Variants in TMA16 observed in about 807,000 individuals in gnomAD.
The protein encoded by TMA16 is translation machinery associated 16 homolog.
In TMA16, 26 loss-of-function variants were observed where a neutral mutation model predicts 27.1. That is an observed-to-expected ratio of 0.96 (90% CI 0.70 to 1.33). The LOEUF (loss-of-function observed/expected upper bound fraction) is 1.33, where lower values mean the gene tolerates loss of function less well. TMA16 is among the 40% of genes most tolerant of loss of function. The probability of loss-of-function intolerance (pLI) is 0.00; values close to 1 mark genes in which losing one functional copy is unlikely to be tolerated. For synonymous variants in TMA16, 71 were observed against 81.9 expected, an observed-to-expected ratio of 0.87 and a Z score of 0.72; for missense variants, 233 against 241.4, an observed-to-expected ratio of 0.97 and a Z score of 0.23.
chr4:163,494,805 G>A lies in TMA16; in HGVS notation c.3+1G>A. ...CCGTGGCCACGAGGACGTCACCATG[G>A]TGGGCCCCCTCCTGCTCCCCCGAAC... is the stretch of plus-strand genomic sequence containing the variant. On this transcript the variant is annotated splice_donor_variant, in intron 1 of 6. Coordinates refer to ENST00000358572, the MANE Select transcript of TMA16 (RefSeq NM_018352.3). LOFTEE classifies it high-confidence loss of function. The A allele has an allele frequency of 6.2e-7, 1 of 1,612,286 alleles. No individual in the cohort carries two copies. The highest frequency in any genetic ancestry group is 8.5e-7 in the Non-Finnish European group (1 of 1,180,030).
chr4:163,516,237 A>C (rs1275617311), intron 5 of TMA16: 1 of 152,246 alleles, frequency 6.6e-6, no homozygotes. Flanking sequence ...TCCCAGAATC[A>C]GGGGATGGGT....
At position 163,519,162 on chromosome 4, in the gene TMA16, G is replaced by A. The variant is rs117664935; in HGVS notation, c.432-172G>A. On this transcript the variant is annotated intron_variant, in intron 6 of 6. Transcript: ENST00000358572. ...AGAAGGAGATACTCAGGTTAGAGAG[G>A]ATGAAAGAATAGAACAGCTTTCTAG... 5.8e-4 allele frequency among the ~76,000 whole-genome samples: 89 copies of A among 152,190 alleles called. 2 individuals carry two copies. The East Asian group carries it at 0.014, about 23-fold the overall frequency.
At chr4:163,498,444 C>T (rs1014144411) in intron 1 of TMA16, among the ~76,000 whole-genome samples, 4 of 151,834 alleles carry the variant, frequency 2.6e-5, no homozygotes, top group African/African-American at 4.8e-5. Context: ...CCCGCCACCA[C>T]GCCCGGCTAA....
At chr4:163,502,452 G>C (rs1737661944) in intron 1 of TMA16, among the ~76,000 whole-genome samples, 1 of 152,202 alleles carries the variant, frequency 6.6e-6, no homozygotes, top group East Asian at 1.9e-4. Context: ...GGACATATTT[G>C]CAGTCTCAAA....
chr4:163,503,054 C>G (rs571187604), intron 1 of TMA16, among the ~76,000 whole-genome samples: 1 of 152,244 alleles, frequency 6.6e-6, no homozygotes, highest in South Asian at 2.1e-4. Flanking sequence ...CTACAGTATT[C>G]AGTACAGTAA....
At chr4:163,503,899 G>T (rs1001922883) in intron 1 of TMA16, among the ~76,000 whole-genome samples, 2 of 152,046 alleles carry the variant, frequency 1.3e-5, no homozygotes, top group Admixed American at 1.3e-4. Context: ...CTGCCTTGAG[G>T]CAACCTTTTC....
chr4:163,503,333 G>A lies in TMA16; in HGVS notation c.4-3700G>A, dbSNP rs192341834. On this transcript the variant is annotated intron_variant, in intron 1 of 6. Coordinates refer to ENST00000358572, the MANE Select transcript of TMA16 (RefSeq NM_018352.3). ...TGGTCTTAAACTTTAAAAAAAAAAT[G>A]TATTTACGTACACTTTGTGGACCTC... Among the ~76,000 whole-genome samples, 33 of 152,074 alleles carry A rather than the reference G, an allele frequency of 2.2e-4. 1 individual carries two copies. The East Asian group carries it at 6.4e-3, about 29-fold the overall frequency.
At chr4:163,507,806 A>G (rs1331667169) in intron 2 of TMA16, among the ~76,000 whole-genome samples, 3 of 152,134 alleles carry the variant, frequency 2.0e-5, no homozygotes, top group Non-Finnish European at 4.4e-5. Flanking sequence ...AAGATTCCTT[A>G]AAATGAAGTG....
At chr4:163,509,238 C>A (rs965351687) in intron 2 of TMA16, among the ~76,000 whole-genome samples, 4 of 152,224 alleles carry the variant, frequency 2.6e-5, no homozygotes, top group African/African-American at 7.2e-5. Context: ...CACGTTGAAA[C>A]GCTGCTGATT....
At chr4:163,513,469 T>G (rs1737826199) in intron 3 of TMA16, among the ~76,000 whole-genome samples, 1 of 152,318 alleles carries the variant, frequency 6.6e-6, no homozygotes, top group African/African-American at 2.4e-5. Flanking sequence ...TAACTGAAAG[T>G]GACCCTGACG....
intron 2 of TMA16, 41 bp downstream of exon 2, chr4:163,507,186 A>G (rs1377431325): frequency 2.7e-6 from 4 of 1,504,898 alleles, no homozygotes; most frequent in Non-Finnish European, 3.6e-6. Context: ...GTTGGTAAAA[A>G]GCCCCTTTAT....
chr4:163,506,104 A>C (rs978748649), intron 1 of TMA16, among the ~76,000 whole-genome samples: 2 of 152,192 alleles, frequency 1.3e-5, no homozygotes, highest in Non-Finnish European at 1.5e-5. Flanking sequence ...GCAACTTCCC[A>C]GGTCATGCTC....
chr4:163,519,827 A>G lies in TMA16; in HGVS notation c.*313A>G. 2.0e-6 allele frequency: 1 copy of G among 506,074 alleles called. No homozygotes were observed. Among genetic ancestry groups the G allele is most frequent in the South Asian group, 2.2e-5 (1 of 44,774 alleles). 31.3% of individuals were successfully genotyped at this position (506,074 alleles called of 1,614,324 possible). The stretch of plus-strand genomic sequence containing the variant: ...TTGTTTTTCTTGTGTATTTATGATC[A>G]CCTAATTTCACGTTTTGTGAAATGG... On this transcript the variant is annotated 3_prime_UTR_variant, in exon 7 of 7. Coordinates refer to ENST00000358572, the MANE Select transcript of TMA16 (RefSeq NM_018352.3).
rs151331446 is a variant in TMA16, at chr4:163,519,616, T to G, written c.*102T>G. On this transcript the variant is annotated 3_prime_UTR_variant, in exon 7 of 7. Coordinates refer to ENST00000358572, the MANE Select transcript of TMA16 (RefSeq NM_018352.3). ...TGATACAAAAATTTGATACTGACAT[T>G]CTCTTATATGATGAGAGTTTCATTT... 2.9e-3 allele frequency: 3,311 copies of G among 1,125,258 alleles called. 76 individuals carry two copies. The African/African-American group carries it at 0.046, about 16-fold the overall frequency. 69.7% of individuals were successfully genotyped at this position (1,125,258 alleles called of 1,614,324 possible). A position where few individuals can be genotyped will look rare whatever the true frequency, so the allele number is the denominator to read the frequency against.
At chr4:163,499,375 C>T (rs1737611977) in intron 1 of TMA16, among the ~76,000 whole-genome samples, 2 of 152,032 alleles carry the variant, frequency 1.3e-5, no homozygotes, top group African/African-American at 4.8e-5. Flanking sequence ...AAAGACCTTT[C>T]TCTGAGACTC....
intron 1 of TMA16, among the ~76,000 whole-genome samples, chr4:163,502,313 A>G (rs1737660464): frequency 6.6e-6 from 1 of 152,166 alleles, no homozygotes; most frequent in Non-Finnish European, 1.5e-5. Context: ...ACACTATTTT[A>G]AAGAACATAC....
chr4:163,506,949 A>G, intron 1 of TMA16, 84 bp from the exon 2 acceptor site: 1 of 1,129,812 alleles, frequency 8.9e-7, no homozygotes, highest in South Asian at 1.6e-5. Context: ...TACTGTTTTT[A>G]AAATTTATTT....
chr4:163,512,747 T>C, intron 2 of TMA16, 75 bp from the exon 3 acceptor site: 2 of 1,145,440 alleles, frequency 1.7e-6, no homozygotes, highest in Non-Finnish European at 2.5e-6. Context: ...CAGTTTTTCT[T>C]TTCGTTGTTA....
intron 1 of TMA16, among the ~76,000 whole-genome samples, chr4:163,496,511 C>A (rs910085762): frequency 6.6e-6 from 1 of 152,130 alleles, no homozygotes; most frequent in Admixed American, 6.6e-5. Flanking sequence ...ATTTAGTTTA[C>A]CTGTTATATA....
Sources: gnomAD v4.1 joint callset for allele counts (sites outside exome capture counted in the v4.1 genomes callset) on GRCh38, gnomAD v4.1.1 for gene constraint, MANE v1.5 for transcripts, NCBI Gene and HGNC (gene_info 2026-07-23, HGNC 2026-07-21) for gene names.